CLK4: variants seen among roughly 807,000 people sequenced by gnomAD.
CLK4 encodes the protein dual specificity protein kinase CLK4.
A neutral mutation model predicts 64.4 loss-of-function variants in CLK4; 37 were observed. The observed-to-expected ratio is 0.57, with a 90% CI of 0.44 to 0.76. The LOEUF is 0.76. CLK4 is among the 30% of genes least tolerant of loss of function. CLK4 has a pLI of 0.00. For missense variants in CLK4, 457 were observed against 605.1 expected, an observed-to-expected ratio of 0.76 and a Z score of 2.57; for synonymous variants, 175 against 191.6, an observed-to-expected ratio of 0.91 and a Z score of 0.72.
intron 11 of CLK4, chr5:178,604,182 C>CAA: frequency 7.5e-6 from 2 of 268,246 alleles, no homozygotes; most frequent in Non-Finnish European, 1.4e-5. Flanking sequence ...CAGCTTAAAA[C>CAA]TAGGGGCCCC....
At chr5:178,623,220 A>G in intron 2 of CLK4, 36 bp downstream of exon 2, 1 of 1,576,144 alleles carries the variant, frequency 6.3e-7, no homozygotes, top group Non-Finnish European at 8.7e-7. Flanking sequence ...TAAAACTATT[A>G]GAGCTAAAAT....
At position 178,612,553 on chromosome 5, in the gene CLK4, G is replaced by A; in HGVS notation, c.922-8C>T. On this transcript the variant is annotated splice_region_variant and splice_polypyrimidine_tract_variant and intron_variant, in intron 8 of 12. Transcript: ENST00000316308. Reference sequence around the variant, plus strand: ...TGTGCGTTCATCACGTTTCTAGAGAGACACAGTTGAGTAAACATGAAACTC... The same window carrying A: ...TGTGCGTTCATCACGTTTCTAGAGAAACACAGTTGAGTAAACATGAAACTC... The A allele has an allele frequency of 6.2e-7, 1 of 1,612,802 alleles. No homozygotes were observed. Among genetic ancestry groups the A allele is most frequent in the South Asian group, 1.1e-5 (1 of 90,854 alleles).
chr5:178,608,276 G>T, intron 10 of CLK4, 100 bp downstream of exon 10: 1 of 776,960 alleles, frequency 1.3e-6, no homozygotes, highest in Non-Finnish European at 2.1e-6. Context: ...CAAGAATAAT[G>T]ATGTATGGCA....
chr5:178,626,365 G>A (rs1195401473), intron 1 of CLK4, among the ~76,000 whole-genome samples: 2 of 152,232 alleles, frequency 1.3e-5, no homozygotes, highest in Non-Finnish European at 2.9e-5. Flanking sequence ...GCATAGCACA[G>A]AGGACTAGCC....
Position 178,613,522 on chromosome 5 carries a change from T to G in CLK4, c.777A>C (p.Gln259His). 2 of 1,611,658 alleles carry G rather than the reference T, an allele frequency of 1.2e-6. No homozygotes were observed. Among genetic ancestry groups the G allele is most frequent in the Non-Finnish European group, 1.7e-6 (2 of 1,179,138 alleles). The change falls in exon 7 of 13, where the codon CAA becomes CAC. Residue 259 changes from glutamine (Q) to histidine (H), a missense_variant. By Grantham distance (24) the Gln-to-His change is conservative. Transcript: ENST00000316308. ...FIKENSFLPF[Q>H]IDHIRQMAYQ... is the part of the protein sequence containing the mutation. ...ACGCCATCTGCCTGATGTGGTCAAT[T>G]TGAAATGGCAGAAAGCTGTTTTCTT...
At chr5:178,619,758 A>T (rs970212092) in intron 2 of CLK4, 3 of 1,272,190 alleles carry the variant, frequency 2.4e-6, no homozygotes, top group Non-Finnish European at 3.1e-6. Flanking sequence ...ATGTCAATGG[A>T]TCCCAGTTAA....
rs1365530465 is a variant in CLK4, at chr5:178,622,988, CCATGTTATTTAATA to C, written c.161+254_161+267del. 6 of 371,086 alleles carry C rather than the reference CCATGTTATTTAATA, an allele frequency of 1.6e-5. No homozygotes were observed. The East Asian group carries it at 3.9e-4, about 24-fold the overall frequency. 23.0% of individuals were successfully genotyped at this position (371,086 alleles called of 1,614,324 possible). On this transcript the variant is annotated intron_variant, in intron 2 of 12. Coordinates refer to ENST00000316308, the MANE Select transcript of CLK4 (RefSeq NM_020666.3). ...TCACGTTACTGGCAGTTGGGACTCA[CCATGTTATTTAATA>C]CATTTCACATTCACTTACTGATCAA...
In CLK4 at chr5:178,613,717, T is replaced by C. The variant is rs770920359; in HGVS notation, c.659+10A>G. The stretch of plus-strand genomic sequence containing the variant: ...TAATATGATGGCTCCTAGGTGAAAG[T>C]TATACTTACAAGACACTATTGGGAT... On this transcript the variant is annotated intron_variant, in intron 6 of 12. Transcript: ENST00000316308. The C allele has an allele frequency of 3.1e-6, 5 of 1,608,826 alleles. No homozygotes were observed. The highest frequency in any genetic ancestry group is 2.2e-5 in the East Asian group (1 of 44,844).
intron 9 of CLK4, among the ~76,000 whole-genome samples, chr5:178,610,934 G>A (rs1228669754): frequency 6.6e-6 from 1 of 152,048 alleles, no homozygotes; most frequent in Non-Finnish European, 1.5e-5. Context: ...TTAGCCGGGT[G>A]TGGTGGTGGG....
At chr5:178,609,448 C>T (rs1041302044) in intron 9 of CLK4, among the ~76,000 whole-genome samples, 3 of 151,936 alleles carry the variant, frequency 2.0e-5, no homozygotes, top group East Asian at 1.9e-4. Flanking sequence ...TTTGGGAGGC[C>T]GAGGCGGGTG....
At chr5:178,624,052 A>G (rs1313259273) in intron 1 of CLK4, among the ~76,000 whole-genome samples, 1 of 152,252 alleles carries the variant, frequency 6.6e-6, no homozygotes, top group East Asian at 1.9e-4. Context: ...GTAAAGAGCT[A>G]TTCAATGATG....
chr5:178,615,167 A>G (rs1764610423), intron 5 of CLK4, among the ~76,000 whole-genome samples: 1 of 152,202 alleles, frequency 6.6e-6, no homozygotes, highest in South Asian at 2.1e-4. Flanking sequence ...CCAGAGCAAC[A>G]CAGTGAGACT....
Position 178,613,618 on chromosome 5 carries a change from T to C in CLK4, c.681A>G (p.Glu227=). The C allele has an allele frequency of 1.9e-6, 3 of 1,609,968 alleles. No individual in the cohort carries two copies. Among genetic ancestry groups the C allele is most frequent in the Non-Finnish European group, 2.5e-6 (3 of 1,178,710 alleles). ...NSVFRCVQML[E]WFDHHGHVCI... ...AAACATGACCATGATGATCAAACCA[T>C]TCTAGCATCTGGACACATCGGCTAA... is the stretch of plus-strand genomic sequence containing the variant. The change falls in exon 7 of 13, where the codon GAA becomes GAG. Residue 227 remains glutamate (E), a synonymous_variant. Transcript: ENST00000316308.
chr5:178,606,059 G>A (rs904752575), intron 10 of CLK4, among the ~76,000 whole-genome samples: 7 of 152,194 alleles, frequency 4.6e-5, no homozygotes, highest in African/African-American at 1.4e-4. Flanking sequence ...ACTGTGCCTT[G>A]CATATTGCTT....
In CLK4 at chr5:178,613,797, A is replaced by G; in HGVS notation, c.589T>C (p.Tyr197His). Residue 197 changes from tyrosine to histidine, a missense_variant, in exon 6 of 13, where the codon TAC (tyrosine) becomes CAC (histidine). Physicochemically the swap from Tyr to His is moderately conservative, Grantham distance 83. Coordinates refer to ENST00000316308, the MANE Select transcript of CLK4 (RefSeq NM_020666.3). Reference sequence around the variant, plus strand: ...ATTTCTGAACGAGCTGCTTCACGGTAACGGCCTACATTTTTTACGATTTTC... The same window carrying G: ...ATTTCTGAACGAGCTGCTTCACGGTGACGGCCTACATTTTTTACGATTTTC... Reference protein sequence around the residue: ...AVKIVKNVGRYREAARSEIQV... With the variant: ...AVKIVKNVGRHREAARSEIQV... 2 of 1,614,158 alleles carry G rather than the reference A, an allele frequency of 1.2e-6. No homozygotes were observed. Among genetic ancestry groups the G allele is most frequent in the Non-Finnish European group, 1.7e-6 (2 of 1,179,998 alleles).
intron 1 of CLK4, among the ~76,000 whole-genome samples, chr5:178,626,731 G>C (rs1764787939): frequency 6.6e-6 from 1 of 152,334 alleles, no homozygotes; most frequent in African/African-American, 2.4e-5. Context: ...CGCGACGCGA[G>C]CGGCCAGGGC....
In CLK4 at chr5:178,617,479, T is replaced by G; in HGVS notation, c.385-45A>C. ...GCACCAAGATCGTCCAGCCAATCAATATATCAGAGTGAATTCAGGGCAGAA... is the reference window on the plus strand; with the variant it reads ...GCACCAAGATCGTCCAGCCAATCAAGATATCAGAGTGAATTCAGGGCAGAA... On this transcript the variant is annotated intron_variant, in intron 3 of 12. Coordinates refer to ENST00000316308, the MANE Select transcript of CLK4 (RefSeq NM_020666.3). This position sits in a 1 kb window ranked among gnomAD's most constrained non-coding sequence, Gnocchi z 5.2. 6.6e-7 allele frequency: 1 copy of G among 1,507,010 alleles called. No homozygotes were observed. The highest frequency in any genetic ancestry group is 9.2e-7 in the Non-Finnish European group (1 of 1,085,250). 93.4% of individuals were successfully genotyped at this position (1,507,010 alleles called of 1,614,324 possible).
At position 178,618,724 on chromosome 5, in the gene CLK4, G is replaced by T; in HGVS notation, c.216C>A (p.Tyr72Ter). 1.2e-6 allele frequency: 2 copies of T among 1,613,726 alleles called. No homozygotes were observed. The highest frequency in any genetic ancestry group is 1.7e-6 in the Non-Finnish European group (2 of 1,179,818). The change falls in exon 3 of 13, where the codon TAC (tyrosine) becomes TAA (stop). Residue 72 changes from tyrosine (Y) to a stop codon, truncating the protein, a stop_gained. Transcript: ENST00000316308. LOFTEE classifies it high-confidence loss of function. ...LNERDYRDRR[Y>*]VDEYRNDYCE... ...AGTAGTCATTCCTGTATTCGTCAAC[G>T]TATCTCCGGTCCCGATAATCTCGCT...
At chr5:178,614,481 C>A (rs559329294) in intron 5 of CLK4, among the ~76,000 whole-genome samples, 13 of 152,322 alleles carry the variant, frequency 8.5e-5, no homozygotes, top group Middle Eastern at 3.4e-3. Flanking sequence ...CTTTAGACTG[C>A]GGCATCTGTA....
Sources: gnomAD v4.1 joint callset for allele counts (sites outside exome capture counted in the v4.1 genomes callset) on GRCh38, gnomAD v4.1.1 for gene constraint, Gnocchi (gnomAD v3.1) non-coding constraint, MANE v1.5 for transcripts, NCBI Gene and HGNC (gene_info 2026-07-23, HGNC 2026-07-21) for gene names.